MAP1S: variants seen among roughly 807,000 people sequenced by gnomAD.
The protein encoded by MAP1S is microtubule associated protein 1S.
Under a neutral mutation model 60.9 loss-of-function variants are expected in MAP1S, and 27 were observed. The observed-to-expected ratio is 0.44, with a 90% CI of 0.33 to 0.61. MAP1S has a LOEUF of 0.61. MAP1S is among the 20% of genes least tolerant of loss of function. The pLI, the probability that MAP1S is intolerant of heterozygous loss-of-function variation, is 0.03. For synonymous variants in MAP1S, 826 were observed against 694.2 expected (o/e 1.19, Z -2.98); for missense variants, 1,608 against 1,486.6 (o/e 1.08, Z -1.34).
intron 5 of MAP1S, among the ~76,000 whole-genome samples, chr19:17,729,331 C>G (rs1017206357): frequency 7.9e-5 from 12 of 152,126 alleles, no homozygotes; most frequent in African/African-American, 2.9e-4. Flanking sequence ...CACCCACACT[C>G]TAGACTCCCC....
chr19:17,727,998 C>G lies in MAP1S; in HGVS notation c.2614C>G (p.Arg872Gly), dbSNP rs762734455. The part of the protein sequence containing the change: ...TRKPLARPNS[R>G]AAAPKATPVA... ...GAAGCCCCTGGCCCGCCCCAACTCA[C>G]GCGCTGCCGCCCCCAAAGCCACTCC... The change falls in exon 5 of 7, where the codon CGC (arginine) becomes GGC (glycine). Residue 872 changes from arginine (R) to glycine (G), a missense_variant. Transcript: ENST00000324096. The surrounding 1 kb of genome is among the most constrained non-coding windows in gnomAD (Gnocchi z 4.1). The G allele has an allele frequency of 5.2e-5, 83 of 1,610,918 alleles. No individual in the cohort carries two copies. Among genetic ancestry groups the G allele is most frequent in the Middle Eastern group, 3.3e-4 (2 of 6,082 alleles).
intron 5 of MAP1S, chr19:17,732,892 AAG>A (rs2080503957): frequency 2.5e-6 from 1 of 397,286 alleles, no homozygotes; most frequent in Non-Finnish European, 4.5e-6. Context: ...AGAGTGAGTG[AAG>A]AGTCACTGGA....
At position 17,727,772 on chromosome 19, in the gene MAP1S, C is replaced by T; in HGVS notation, c.2388C>T (p.Asp796=). The change falls in exon 5 of 7, where the codon GAC becomes GAT. Residue 796 remains aspartate (D), a synonymous_variant. Transcript: ENST00000324096. The surrounding 1 kb of genome is among the most constrained non-coding windows in gnomAD (Gnocchi z 4.1). The part of the protein sequence containing the change: ...SVSESLPTLS[D]SDPVPLAPGA... ...GCGAGTCCCTGCCCACCCTGTCTGACTCGGATCCCGTGCCCCTGGCCCCCG... is the reference window on the plus strand; with the variant it reads ...GCGAGTCCCTGCCCACCCTGTCTGATTCGGATCCCGTGCCCCTGGCCCCCG... 6.2e-7 allele frequency: 1 copy of T among 1,611,016 alleles called. No homozygotes were observed. Among genetic ancestry groups the T allele is most frequent in the Non-Finnish European group, 8.5e-7 (1 of 1,178,760 alleles).
At position 17,727,144 on chromosome 19, in the gene MAP1S, G is replaced by A. The variant is rs1317481631; in HGVS notation, c.1760G>A (p.Arg587Gln). Reference protein sequence around the residue: ...ANGPRSPPSLRCGEASPPSAA... With the variant: ...ANGPRSPPSLQCGEASPPSAA... The stretch of plus-strand genomic sequence containing the variant: ...GGACCCCGCAGCCCGCCCAGCCTCC[G>A]ATGTGGAGAAGCCAGCCCCCCCAGT... The change falls in exon 5 of 7, where the codon CGA (arginine) becomes CAA (glutamine). Residue 587 changes from arginine to glutamine, a missense_variant. Physicochemically the swap from Arg to Gln is conservative, Grantham distance 43 (BLOSUM62 1). Coordinates refer to ENST00000324096, the MANE Select transcript of MAP1S (RefSeq NM_018174.6). The surrounding 1 kb of genome is among the most constrained non-coding windows in gnomAD (Gnocchi z 4.1). 2.5e-6 allele frequency: 4 copies of A among 1,590,698 alleles called. No homozygotes were observed. Among genetic ancestry groups the A allele is most frequent in the African/African-American group, 2.7e-5 (2 of 74,484 alleles).
Position 17,728,006 on chromosome 19 carries a change from C to G in MAP1S, c.2622C>G (p.Ala874=), listed in dbSNP as rs756165629. The part of the protein sequence containing the change: ...KPLARPNSRA[A]APKATPVAAA... ...TGGCCCGCCCCAACTCACGCGCTGCCGCCCCCAAAGCCACTCCAGTGGCTG... is the reference window on the plus strand; with the variant it reads ...TGGCCCGCCCCAACTCACGCGCTGCGGCCCCCAAAGCCACTCCAGTGGCTG... Residue 874 remains alanine (A), a synonymous_variant, in exon 5 of 7, where the codon GCC becomes GCG. Coordinates refer to ENST00000324096, the MANE Select transcript of MAP1S (RefSeq NM_018174.6). The G allele has an allele frequency of 6.2e-6, 10 of 1,611,404 alleles. No homozygotes were observed. Among genetic ancestry groups the G allele is most frequent in the Non-Finnish European group, 8.5e-6 (10 of 1,179,220 alleles).
intron 6 of MAP1S, 90 bp downstream of exon 6, chr19:17,733,518 C>G (rs1352241631): frequency 9.2e-7 from 1 of 1,083,538 alleles, no homozygotes; most frequent in East Asian, 2.7e-5. Context: ...AGCTGTGTTC[C>G]CCAGGCCACA....
At chr19:17,721,475 G>T in intron 2 of MAP1S, 1 of 268,820 alleles carries the variant, frequency 3.7e-6, no homozygotes, top group Non-Finnish European at 7.3e-6. Context: ...TCAGGAGTTG[G>T]AGACTAGCCT....
At position 17,725,787 on chromosome 19, in the gene MAP1S, G is replaced by C; in HGVS notation, c.445-42G>C. The stretch of plus-strand genomic sequence containing the variant: ...CAGTTTTCCCACCGGGCTAGGTGTT[G>C]CCTGGCTCTAGGTGGTCCCTTACCA... On this transcript the variant is annotated intron_variant, in intron 4 of 6. Transcript: ENST00000324096. The surrounding 1 kb of genome is among the most constrained non-coding windows in gnomAD (Gnocchi z 4.2). 1 of 1,566,614 alleles carries C rather than the reference G, an allele frequency of 6.4e-7. No individual in the cohort carries two copies. The highest frequency in any genetic ancestry group is 1.2e-5 in the South Asian group (1 of 86,062).
intron 5 of MAP1S, among the ~76,000 whole-genome samples, chr19:17,729,930 G>A (rs1486965383): frequency 6.6e-6 from 1 of 152,108 alleles, no homozygotes. Flanking sequence ...CAAAGTACTG[G>A]GATTACAGAC....
intron 2 of MAP1S, among the ~76,000 whole-genome samples, chr19:17,723,321 C>T (rs1033554019): frequency 6.6e-6 from 1 of 151,950 alleles, no homozygotes; most frequent in Admixed American, 6.6e-5. Context: ...CCGAGGCAGG[C>T]GGATCACCTG....
Position 17,726,647 on chromosome 19 carries a change from C to CG in MAP1S, c.1265dup (p.Gly424ArgfsTer70). 6.3e-7 allele frequency: 1 copy of CG among 1,575,906 alleles called. No individual in the cohort carries two copies. The highest frequency in any genetic ancestry group is 8.6e-7 in the Non-Finnish European group (1 of 1,165,196). On this transcript the variant is annotated frameshift_variant, in exon 5 of 7. Coordinates refer to ENST00000324096, the MANE Select transcript of MAP1S (RefSeq NM_018174.6). LOFTEE classifies it high-confidence loss of function. The stretch of plus-strand genomic sequence containing the variant: ...GCGCCCTGCTGGTGTGGCACCCCGC[C>CG]GGCCCCGGCGAGAAGGTGGTGCGCG...
At position 17,725,679 on chromosome 19, in the gene MAP1S, C is replaced by A; in HGVS notation, c.445-150C>A. On this transcript the variant is annotated intron_variant, in intron 4 of 6. Transcript: ENST00000324096. This position sits in a 1 kb window ranked among gnomAD's most constrained non-coding sequence, Gnocchi z 4.2. ...AGGAGGTGAGGCCAGATCAAAGAGC[C>A]TTGTGGCGCTGGAGAGGGTTGGGTT... 1.4e-6 allele frequency: 1 copy of A among 724,014 alleles called. No homozygotes were observed. Among genetic ancestry groups the A allele is most frequent in the Non-Finnish European group, 2.2e-6 (1 of 444,978 alleles). The allele number at this position is 724,014 out of a possible 1,614,324, so 44.8% of individuals were successfully genotyped here. A position where few individuals can be genotyped will look rare whatever the true frequency, so the allele number is the denominator to read the frequency against.
chr19:17,729,657 C>G (rs1198628646), intron 5 of MAP1S, among the ~76,000 whole-genome samples: 1 of 151,822 alleles, frequency 6.6e-6, no homozygotes, highest in Non-Finnish European at 1.5e-5. Context: ...AGACACGCAC[C>G]ATAACGGCCA....
In MAP1S at chr19:17,726,077, C is replaced by T. The variant is rs1287318254; in HGVS notation, c.693C>T (p.Thr231=). 6.8e-6 allele frequency: 11 copies of T among 1,613,768 alleles called. No individual in the cohort carries two copies. The highest frequency in any genetic ancestry group is 9.3e-6 in the Non-Finnish European group (11 of 1,179,920). Residue 231 remains threonine (T), a synonymous_variant, in exon 5 of 7, where the codon ACC becomes ACT. Coordinates refer to ENST00000324096, the MANE Select transcript of MAP1S (RefSeq NM_018174.6). ...PSPFELLEPP[T]SGGFLRLGRP... is the part of the protein sequence containing the mutation. ...CCTTCGAGCTGCTGGAGCCCCCGAC[C>T]TCCGGGGGCTTCCTCAGGCTGGGCC... is the stretch of plus-strand genomic sequence containing the variant.
chr19:17,727,511 C>T lies in MAP1S; in HGVS notation c.2127C>T (p.Ser709=), dbSNP rs1419858284. The T allele has an allele frequency of 3.1e-6, 5 of 1,610,736 alleles. No homozygotes were observed. In the South Asian group the frequency reaches 3.3e-5, roughly 11 times the overall value. ...SVSFEQVLPP[S]APTSEAGLSL... is the part of the protein sequence containing the mutation. ...CCTTTGAGCAGGTGCTGCCGCCATC[C>T]GCCCCCACCAGTGAGGCTGGGCTGA... Residue 709 remains serine (S), a synonymous_variant, in exon 5 of 7, where the codon TCC becomes TCT. Transcript: ENST00000324096. The surrounding 1 kb of genome is among the most constrained non-coding windows in gnomAD (Gnocchi z 4.1).
In MAP1S at chr19:17,727,024, C is replaced by G. The variant is rs769103534; in HGVS notation, c.1640C>G (p.Ser547Cys). The G allele has an allele frequency of 3.1e-6, 5 of 1,600,350 alleles. No homozygotes were observed. The African/African-American group carries it at 5.4e-5, about 17-fold the overall frequency. ...CGGGAGGTGCGCCGGGCAGCCTCTTCTGTGCCCAACCTCAAGAAGACGAAT... is the reference window on the plus strand; with the variant it reads ...CGGGAGGTGCGCCGGGCAGCCTCTTGTGTGCCCAACCTCAAGAAGACGAAT... ...QPREVRRAAS[S>C]VPNLKKTNAQ... is the part of the protein sequence containing the mutation. Residue 547 changes from serine (S) to cysteine (C), a missense_variant, in exon 5 of 7, where the codon TCT (serine) becomes TGT (cysteine). Around this residue, in one of 4 missense-constraint regions of MAP1S, gnomAD observed 1,167 missense variants for 961.4 expected, o/e 1.21. Coordinates refer to ENST00000324096, the MANE Select transcript of MAP1S (RefSeq NM_018174.6). The surrounding 1 kb of genome is among the most constrained non-coding windows in gnomAD (Gnocchi z 4.1).
chr19:17,723,216 A>G (rs1282798464), intron 2 of MAP1S, among the ~76,000 whole-genome samples: 1 of 152,118 alleles, frequency 6.6e-6, no homozygotes, highest in Non-Finnish European at 1.5e-5. Context: ...GTTCGCCCTC[A>G]TTGGCCCTCC....
At chr19:17,731,383 G>A (rs2080491868) in intron 5 of MAP1S, among the ~76,000 whole-genome samples, 1 of 152,182 alleles carries the variant, frequency 6.6e-6, no homozygotes, top group South Asian at 2.1e-4. Flanking sequence ...CCCATTGAAT[G>A]TTTGGAACGC....
chr19:17,722,873 G>C (rs912610490), intron 2 of MAP1S, among the ~76,000 whole-genome samples: 2 of 151,590 alleles, frequency 1.3e-5, no homozygotes, highest in Non-Finnish European at 2.9e-5. Context: ...AAGAAGGAAA[G>C]AAAGGAAAGA....
Sources: gnomAD v4.1 joint callset for allele counts (sites outside exome capture counted in the v4.1 genomes callset) on GRCh38, gnomAD v4.1.1 for gene constraint, gnomAD v4.1.1 regional missense constraint, Gnocchi (gnomAD v3.1) non-coding constraint, MANE v1.5 for transcripts, NCBI Gene and HGNC (gene_info 2026-07-23, HGNC 2026-07-21) for gene names.